DGKI: variants seen among roughly 807,000 people sequenced by gnomAD.
DGKI encodes the protein DAG kinase iota.
Under a neutral mutation model 147.5 loss-of-function variants are expected in DGKI, and 55 were observed. The observed-to-expected ratio is 0.37, with a 90% confidence interval of 0.30 to 0.47. The LOEUF (loss-of-function observed/expected upper bound fraction) is 0.47. Ranked by LOEUF, DGKI falls within the 20% of genes least tolerant of loss-of-function variation. DGKI has a pLI of 1.00. For missense variants in DGKI, 1,007 were observed against 1,323.8 expected (o/e 0.76, Z 3.71); for synonymous variants, 469 against 477.1 (o/e 0.98, Z 0.22).
intron 15 of DGKI, among the ~76,000 whole-genome samples, chr7:137,580,668 G>T (rs1428088773): frequency 6.6e-6 from 1 of 152,104 alleles, no homozygotes; most frequent in Non-Finnish European, 1.5e-5. Flanking sequence ...TTAAAGATCT[G>T]TTCCTTACTT....
At chr7:137,679,332 A>G (rs1338474021) in intron 2 of DGKI, among the ~76,000 whole-genome samples, 1 of 151,930 alleles carries the variant, frequency 6.6e-6, no homozygotes, top group Non-Finnish European at 1.5e-5. Flanking sequence ...GCTAGAATGT[A>G]TGACCTGATG....
At chr7:137,509,329 G>A (rs183177720) in intron 21 of DGKI, among the ~76,000 whole-genome samples, 79 of 152,138 alleles carry the variant, frequency 5.2e-4, no homozygotes, top group Non-Finnish European at 5.9e-4. Flanking sequence ...GTGAGGAAGC[G>A]AATACAGTCA....
At chr7:137,687,161 G>T (rs898584401) in intron 2 of DGKI, among the ~76,000 whole-genome samples, 2 of 152,078 alleles carry the variant, frequency 1.3e-5, no homozygotes, top group Non-Finnish European at 2.9e-5. Flanking sequence ...GTCCCTGCTG[G>T]ACCCCATCTG....
intron 21 of DGKI, among the ~76,000 whole-genome samples, chr7:137,510,257 C>A (rs1222572542): frequency 1.3e-5 from 2 of 152,202 alleles, no homozygotes; most frequent in Non-Finnish European, 2.9e-5. Context: ...GAAGATAATT[C>A]CATTTCAAAG....
chr7:137,638,441 T>A (rs1475651888), intron 6 of DGKI, among the ~76,000 whole-genome samples: 1 of 129,058 alleles, frequency 7.7e-6, no homozygotes, highest in Non-Finnish European at 1.6e-5. Context: ...TATATATATA[T>A]ATACACACAC....
At chr7:137,817,972 G>A (rs1252423997) in intron 1 of DGKI, among the ~76,000 whole-genome samples, 2 of 152,124 alleles carry the variant, frequency 1.3e-5, no homozygotes, top group Non-Finnish European at 2.9e-5. Flanking sequence ...TCCATATTTT[G>A]AATATTCTTA....
chr7:137,539,142 T>C (rs1817609696), intron 20 of DGKI, among the ~76,000 whole-genome samples: 1 of 152,122 alleles, frequency 6.6e-6, no homozygotes, highest in Admixed American at 6.6e-5. Flanking sequence ...CACCTAAAAT[T>C]AGGAGGGAAG....
chr7:137,654,884 C>T (rs1386651526), intron 4 of DGKI, 96 bp from the exon 5 acceptor site: 1 of 744,350 alleles, frequency 1.3e-6, no homozygotes, highest in East Asian at 2.7e-5. Context: ...GATATTGAGA[C>T]TGAAAAGCAA....
rs545694253 is a variant in DGKI, at chr7:137,722,795, A to C, written c.402-32793T>G. On this transcript the variant is annotated intron_variant, in intron 1 of 32. Coordinates refer to ENST00000614521, the MANE Select transcript of DGKI (RefSeq NM_001321708.2). Reference sequence around the variant, plus strand: ...AAAGCTATTCCTCAGCTCCAGGGCTACCTGTGATCTGTGGTTGCCCTGACG... The same window carrying C: ...AAAGCTATTCCTCAGCTCCAGGGCTCCCTGTGATCTGTGGTTGCCCTGACG... 60 of 1,331,504 alleles carry C rather than the reference A, an allele frequency of 4.5e-5. No individual in the cohort carries two copies. In the African/African-American group the frequency reaches 7.2e-4, roughly 16 times the overall value. The allele number at this position is 1,331,504 out of a possible 1,614,324, so 82.5% of individuals were successfully genotyped here.
intron 3 of DGKI, among the ~76,000 whole-genome samples, chr7:137,663,177 G>A (rs923657046): frequency 5.9e-5 from 9 of 152,210 alleles, no homozygotes; most frequent in African/African-American, 2.2e-4. Context: ...ATAAGACTAT[G>A]TGAGTGCTGT....
intron 1 of DGKI, among the ~76,000 whole-genome samples, chr7:137,769,204 T>C (rs1174127487): frequency 6.6e-6 from 1 of 152,094 alleles, no homozygotes; most frequent in Non-Finnish European, 1.5e-5. Context: ...AGCCGAGACG[T>C]GTTAGACCCG....
chr7:137,516,199 T>G (rs1353443208), intron 21 of DGKI, among the ~76,000 whole-genome samples: 2 of 152,160 alleles, frequency 1.3e-5, no homozygotes, highest in Non-Finnish European at 2.9e-5. Flanking sequence ...TTACATGGTT[T>G]CTAATGCTTA....
intron 19 of DGKI, among the ~76,000 whole-genome samples, chr7:137,558,913 G>T (rs1818316495): frequency 9.7e-6 from 1 of 102,656 alleles, no homozygotes; most frequent in Non-Finnish European, 1.9e-5. Context: ...TATTAGTAGT[G>T]GTGGTATTAA....
chr7:137,564,579 A>AG (rs35021617), intron 19 of DGKI, among the ~76,000 whole-genome samples: 33,514 of 152,156 alleles, frequency 0.22, 6,415 homozygotes, highest in African/African-American at 0.51. Flanking sequence ...TTTTAAAAAA[A>AG]ACAAAATGGT....
At chr7:137,452,034 ATGC>A (rs1308777961) in intron 27 of DGKI, among the ~76,000 whole-genome samples, 15 of 152,134 alleles carry the variant, frequency 9.9e-5, no homozygotes, top group Admixed American at 3.9e-4. Context: ...AATATTGGGG[ATGC>A]CTCTATATGG....
In DGKI at chr7:137,381,138, A is replaced by G. The variant is rs1037608955; in HGVS notation, c.*10082T>C. 6.6e-6 allele frequency: 1 copy of G among 152,154 alleles called. No individual in the cohort carries two copies. Among genetic ancestry groups the G allele is most frequent in the African/African-American group, 2.4e-5 (1 of 41,458 alleles). The allele number at this position is 152,154 out of a possible 1,614,324, so 9.4% of individuals were successfully genotyped here. A position where few individuals can be genotyped will look rare whatever the true frequency, so the allele number is the denominator to read the frequency against. The stretch of plus-strand genomic sequence containing the variant: ...CTAGTCAATTTCTTTTTCAGAGATT[A>G]GTTCAGTCTCCCAAATTAACTCCAT... On this transcript the variant is annotated 3_prime_UTR_variant, in exon 33 of 33. Transcript: ENST00000614521.
At chr7:137,449,779 A>G (rs1442709033) in intron 27 of DGKI, among the ~76,000 whole-genome samples, 1 of 152,222 alleles carries the variant, frequency 6.6e-6, no homozygotes, top group Non-Finnish European at 1.5e-5. Context: ...GTAAATATTA[A>G]AAGTAAGTAT....
intron 6 of DGKI, among the ~76,000 whole-genome samples, chr7:137,636,705 G>A (rs1821324609): frequency 6.6e-6 from 1 of 152,230 alleles, no homozygotes; most frequent in Admixed American, 6.5e-5. Context: ...GATCCCCAGT[G>A]TTGGAAGTGG....
At chr7:137,532,111 T>C (rs541262138) in intron 20 of DGKI, among the ~76,000 whole-genome samples, 1 of 151,790 alleles carries the variant, frequency 6.6e-6, no homozygotes, top group Admixed American at 6.6e-5. Flanking sequence ...CATGAAGCAA[T>C]GATGAAGTGA....
Sources: gnomAD v4.1 joint callset for allele counts (sites outside exome capture counted in the v4.1 genomes callset) on GRCh38, gnomAD v4.1.1 for gene constraint, MANE v1.5 for transcripts, NCBI Gene and HGNC (gene_info 2026-07-23, HGNC 2026-07-21) for gene names.